Variants in KMT5B observed in about 807,000 individuals in gnomAD.
KMT5B encodes lysine methyltransferase 5B, also known as histone-lysine N-methyltransferase KMT5B.
Under a neutral mutation model 83.2 loss-of-function variants are expected in KMT5B, and 10 were observed. The ratio of observed to expected loss-of-function variants is 0.12; its 90% CI spans 0.07 to 0.20. The LOEUF is 0.20. Ranked by LOEUF, KMT5B falls within the 10% of genes least tolerant of loss-of-function variation. The pLI is 1.00. For missense variants in KMT5B, 753 were observed against 1,067.2 expected (o/e 0.71, Z 4.10); for synonymous variants, 349 against 388.8 (o/e 0.90, Z 1.20).
At chr11:68,206,223 A>G (rs569300192) in intron 1 of KMT5B, among the ~76,000 whole-genome samples, 2 of 152,248 alleles carry the variant, frequency 1.3e-5, no homozygotes, top group Non-Finnish European at 2.9e-5. Flanking sequence ...CTTACCTAGC[A>G]GTGCCTAGAA....
chr11:68,187,037 C>T (rs761638853), intron 2 of KMT5B, among the ~76,000 whole-genome samples: 1 of 152,020 alleles, frequency 6.6e-6, no homozygotes, highest in East Asian at 1.9e-4. Flanking sequence ...TGCTTTGCCA[C>T]CCAGCCTGGA....
chr11:68,211,196 C>T (rs924421754), intron 1 of KMT5B, among the ~76,000 whole-genome samples: 1 of 152,176 alleles, frequency 6.6e-6, no homozygotes, highest in African/African-American at 2.4e-5. Flanking sequence ...ACGCAGACAC[C>T]GGGACACTTC....
chr11:68,187,985 C>T (rs1458904857), intron 2 of KMT5B, among the ~76,000 whole-genome samples: 2 of 151,286 alleles, frequency 1.3e-5, no homozygotes, highest in African/African-American at 4.9e-5. Context: ...TTTATCTATG[C>T]TTGGTAAAGT....
chr11:68,170,552 TAAG>T (rs1261115803), intron 9 of KMT5B, among the ~76,000 whole-genome samples: 1 of 152,146 alleles, frequency 6.6e-6, no homozygotes, highest in African/African-American at 2.4e-5. Flanking sequence ...TGATGAGACA[TAAG>T]AAGAGGTTCC....
chr11:68,194,422 G>A (rs1245006205), intron 1 of KMT5B, among the ~76,000 whole-genome samples: 2 of 151,822 alleles, frequency 1.3e-5, no homozygotes, highest in African/African-American at 2.4e-5. Context: ...TGAACTCCTG[G>A]CCACAAGCGA....
chr11:68,170,259 C>CAG (rs1855720060), intron 9 of KMT5B, among the ~76,000 whole-genome samples: 1 of 152,188 alleles, frequency 6.6e-6, no homozygotes, highest in African/African-American at 2.4e-5. Flanking sequence ...ATGTGGGCAC[C>CAG]TCCTAGCTCT....
intron 1 of KMT5B, among the ~76,000 whole-genome samples, chr11:68,198,089 C>T (rs1236881177): frequency 6.6e-6 from 1 of 152,120 alleles, no homozygotes; most frequent in African/African-American, 2.4e-5. Context: ...TAACACAAGT[C>T]GATACTGTAG....
intron 4 of KMT5B, chr11:68,179,654 G>T: frequency 8.3e-7 from 1 of 1,205,604 alleles, no homozygotes; most frequent in Non-Finnish European, 1.1e-6. Flanking sequence ...ACAGAAAAAA[G>T]GGAGACAGGG....
At chr11:68,162,560 ACTT>A (rs749962841) in intron 10 of KMT5B, among the ~76,000 whole-genome samples, 4 of 152,122 alleles carry the variant, frequency 2.6e-5, no homozygotes, top group African/African-American at 7.2e-5. Context: ...CTTCCTTGGT[ACTT>A]CTTATTTTCA....
rs758959054 is a variant in KMT5B at position 68,175,012 on chromosome 11, A to G, written c.543+6T>C. On this transcript the variant is annotated splice_donor_region_variant and intron_variant, in intron 5 of 10. Transcript: ENST00000304363. The stretch of plus-strand genomic sequence containing the variant: ...AGGTTAACAGCATCAGTCTTAATAA[A>G]CTTACATGTTCTTTGAATAATTTCT... The G allele has an allele frequency of 3.0e-5, 48 of 1,612,142 alleles. No homozygotes were observed. Among genetic ancestry groups the G allele is most frequent in the Non-Finnish European group, 3.8e-5 (45 of 1,178,614 alleles).
intron 1 of KMT5B, among the ~76,000 whole-genome samples, chr11:68,204,443 A>G (rs1859822000): frequency 6.6e-6 from 1 of 152,268 alleles, no homozygotes; most frequent in Admixed American, 6.5e-5. Flanking sequence ...CAGAAGGTGA[A>G]GCAGACTGGA....
intron 1 of KMT5B, among the ~76,000 whole-genome samples, chr11:68,192,767 T>C (rs1858239525): frequency 6.6e-6 from 1 of 152,164 alleles, no homozygotes; most frequent in Non-Finnish European, 1.5e-5. Context: ...ACTTCATATC[T>C]CTTTGTTGTT....
chr11:68,203,739 G>T lies in KMT5B; in HGVS notation c.-77+9399C>A, dbSNP rs148980213. Among the ~76,000 whole-genome samples, 309 of 152,314 alleles carry T rather than the reference G, an allele frequency of 2.0e-3. 2 individuals carry two copies. The highest frequency in any genetic ancestry group is 7.4e-3 in the African/African-American group (307 of 41,578). On this transcript the variant is annotated intron_variant, in intron 1 of 10. Coordinates refer to ENST00000304363, the MANE Select transcript of KMT5B (RefSeq NM_017635.5). The stretch of plus-strand genomic sequence containing the variant: ...ACCTGAGAAGCTAGGTGACTTGTCA[G>T]AGTAGTTCAACGGGGTGTTAGTATT...
At chr11:68,166,930 A>G in intron 10 of KMT5B, 52 bp downstream of exon 10, 2 of 1,603,162 alleles carry the variant, frequency 1.2e-6, no homozygotes, top group Non-Finnish European at 1.7e-6. Context: ...TATAAAGCAA[A>G]TTGTGTGAAA....
intron 2 of KMT5B, among the ~76,000 whole-genome samples, chr11:68,187,820 G>A (rs915107164): frequency 1.2e-4 from 18 of 152,018 alleles, no homozygotes; most frequent in African/African-American, 4.3e-4. Flanking sequence ...CTCTGCTGCT[G>A]GGAAAGTCAC....
At chr11:68,166,551 G>A (rs1855337905) in intron 10 of KMT5B, 1 of 1,009,478 alleles carries the variant, frequency 9.9e-7, no homozygotes, top group Admixed American at 5.2e-5. Context: ...AAGCCTTAAG[G>A]CCAGAAGCTA....
At chr11:68,195,116 A>G (rs1858553553) in intron 1 of KMT5B, among the ~76,000 whole-genome samples, 1 of 152,196 alleles carries the variant, frequency 6.6e-6, no homozygotes, top group South Asian at 2.1e-4. Flanking sequence ...AATTGCGGAC[A>G]CAGTGAGCCA....
chr11:68,167,627 A>T (rs766649563), intron 9 of KMT5B, among the ~76,000 whole-genome samples: 5 of 151,632 alleles, frequency 3.3e-5, no homozygotes, highest in Admixed American at 1.3e-4. Flanking sequence ...GCTAATTTTT[A>T]AATTTTTTTT....
intron 10 of KMT5B, chr11:68,164,822 G>C: frequency 2.3e-6 from 1 of 444,154 alleles, no homozygotes; most frequent in Non-Finnish European, 4.5e-6. Context: ...CCTCCAGTTT[G>C]TTCTGCTTAC....
Sources: allele counts gnomAD v4.1 joint callset (sites outside exome capture counted in the v4.1 genomes callset), GRCh38; gene constraint gnomAD v4.1.1; transcripts MANE v1.5; gene names NCBI Gene and HGNC (gene_info 2026-07-23, HGNC 2026-07-21).